The following ZNF624 variants were observed in gnomAD, a reference collection of about 807,000 sequenced individuals.
The protein encoded by ZNF624 is zinc finger protein 624.
In ZNF624, 43 loss-of-function variants were observed where a neutral mutation model predicts 74.7. The ratio of observed to expected loss-of-function variants is 0.58; its 90% CI spans 0.45 to 0.74. The LOEUF (loss-of-function observed/expected upper bound fraction) is 0.74. Ranked by LOEUF, ZNF624 falls within the 30% of genes least tolerant of loss-of-function variation. The pLI is 0.00. For synonymous variants in ZNF624, 331 were observed against 341.3 expected, an observed-to-expected ratio of 0.97 and a Z score of 0.33; for missense variants, 820 against 1,030.0, an observed-to-expected ratio of 0.80 and a Z score of 2.79.
In ZNF624 at chr17:16,621,218, TA is replaced by T. The variant is rs1382433803; in HGVS notation, c.*1069del. On this transcript the variant is annotated 3_prime_UTR_variant, in exon 6 of 6. Coordinates refer to ENST00000311331, the MANE Select transcript of ZNF624 (RefSeq NM_020787.4). ...ACATTGAAATCAGCTAGCATAGATA[TA>T]AGTCGTTTTTAAAATTACTCTCACA... The T allele has an allele frequency of 6.6e-6, 1 of 152,252 alleles. No homozygotes were observed. Among genetic ancestry groups the T allele is most frequent in the Non-Finnish European group, 1.5e-5 (1 of 68,046 alleles). 9.4% of individuals were successfully genotyped at this position (152,252 alleles called of 1,614,324 possible). A position where few individuals can be genotyped will look rare whatever the true frequency, so the allele number is the denominator to read the frequency against.
At chr17:16,629,853 C>T (rs558735399) in intron 5 of ZNF624, among the ~76,000 whole-genome samples, 2 of 152,094 alleles carry the variant, frequency 1.3e-5, no homozygotes, top group Non-Finnish European at 2.9e-5. Context: ...TGAGTCACCA[C>T]GCCTGGCCAA....
intron 5 of ZNF624, among the ~76,000 whole-genome samples, chr17:16,626,759 TAA>T (rs751090267): frequency 6.6e-6 from 1 of 151,200 alleles, no homozygotes; most frequent in Non-Finnish European, 1.5e-5. Flanking sequence ...CTCAAATAAA[TAA>T]ATAAATAAAT....
At chr17:16,634,862 A>C in intron 3 of ZNF624, 106 bp from the exon 4 acceptor site, 1 of 1,037,382 alleles carries the variant, frequency 9.6e-7, no homozygotes, top group East Asian at 2.5e-5. Flanking sequence ...GAATCACCAA[A>C]TGATCATGTA....
In ZNF624 at chr17:16,621,428, G is replaced by C. The variant is rs1908909651; in HGVS notation, c.*860C>G. On this transcript the variant is annotated 3_prime_UTR_variant, in exon 6 of 6. Transcript: ENST00000311331. ...ACGGACAGATTCCAAAAGTGAGACT[G>C]CTGGGTCTAAGAGTATATATGTTTT... 1 of 152,240 alleles carries C rather than the reference G, an allele frequency of 6.6e-6. No homozygotes were observed. The highest frequency in any genetic ancestry group is 2.4e-5 in the African/African-American group (1 of 41,456). 9.4% of individuals were successfully genotyped at this position (152,240 alleles called of 1,614,324 possible).
intron 1 of ZNF624, among the ~76,000 whole-genome samples, chr17:16,650,172 T>G (rs377515186): frequency 1.3e-5 from 2 of 152,184 alleles, no homozygotes; most frequent in Admixed American, 1.3e-4. Context: ...ACTTCAGTCT[T>G]TCTTTGCCAC....
chr17:16,642,682 A>G (rs1270509537), intron 3 of ZNF624, among the ~76,000 whole-genome samples: 2 of 152,214 alleles, frequency 1.3e-5, no homozygotes, highest in Non-Finnish European at 2.9e-5. Flanking sequence ...CTTCATTAAA[A>G]TTAAAAACTT....
intron 5 of ZNF624, among the ~76,000 whole-genome samples, chr17:16,625,924 C>T (rs1909060109): frequency 6.6e-6 from 1 of 151,568 alleles, no homozygotes; most frequent in Non-Finnish European, 1.5e-5. Context: ...AAACTCTTGT[C>T]CATGATAGAA....
At chr17:16,627,939 G>A (rs1215454325) in intron 5 of ZNF624, among the ~76,000 whole-genome samples, 1 of 152,074 alleles carries the variant, frequency 6.6e-6, no homozygotes, top group African/African-American at 2.4e-5. Context: ...GTCAATGCCT[G>A]ATACCCAGTA....
At position 16,624,219 on chromosome 17, in the gene ZNF624, T is replaced by G; in HGVS notation, c.667A>C (p.Arg223=). 1 of 1,614,208 alleles carries G rather than the reference T, an allele frequency of 6.2e-7. No individual in the cohort carries two copies. The highest frequency in any genetic ancestry group is 8.5e-7 in the Non-Finnish European group (1 of 1,180,032). The change falls in exon 6 of 6, where the codon AGA becomes CGA. Residue 223 remains arginine, a synonymous_variant. Transcript: ENST00000311331. ...AAATTTTCCTCTTGTGTTTGGCATC[T>G]GCTGTGAAGCTCTTCTGTGGCAATG... ...PGIATEELHS[R]CQTQEENFTE... is the part of the protein sequence containing the mutation.
chr17:16,652,674 T>C (rs1458072145), intron 1 of ZNF624, among the ~76,000 whole-genome samples: 1 of 152,250 alleles, frequency 6.6e-6, no homozygotes, highest in Non-Finnish European at 1.5e-5. Flanking sequence ...CCCAAAACTC[T>C]ACTGAGACCT....
intron 3 of ZNF624, among the ~76,000 whole-genome samples, chr17:16,643,296 T>G (rs1209211430): frequency 6.6e-6 from 1 of 152,192 alleles, no homozygotes; most frequent in Non-Finnish European, 1.5e-5. Flanking sequence ...GACAAACGGA[T>G]AAGTGATATG....
intron 3 of ZNF624, among the ~76,000 whole-genome samples, chr17:16,643,094 C>A (rs1207789697): frequency 1.3e-5 from 2 of 152,220 alleles, no homozygotes; most frequent in Non-Finnish European, 2.9e-5. Context: ...TATGGGGCAG[C>A]TGCTTTGTAA....
chr17:16,619,751 T>C (rs893115731), downstream of ZNF624, among the ~76,000 whole-genome samples: 2 of 152,216 alleles, frequency 1.3e-5, no homozygotes, highest in Admixed American at 6.5e-5. Flanking sequence ...TCAGTTCTTT[T>C]GTCATTTGAA....
At chr17:16,650,104 T>C (rs28674185) in intron 1 of ZNF624, among the ~76,000 whole-genome samples, 35,032 of 151,848 alleles carry the variant, frequency 0.23, 4,490 homozygotes, top group East Asian at 0.35. Flanking sequence ...TCAATCTAAT[T>C]CCAAAGCCCA....
At chr17:16,648,313 A>T (rs1294322618) in intron 2 of ZNF624, among the ~76,000 whole-genome samples, 2 of 151,576 alleles carry the variant, frequency 1.3e-5, no homozygotes, top group Non-Finnish European at 2.9e-5. Context: ...TCCATTTCAG[A>T]TGCTGTGCCA....
downstream of ZNF624, among the ~76,000 whole-genome samples, chr17:16,619,153 T>A (rs1908850930): frequency 6.6e-6 from 1 of 152,154 alleles, no homozygotes; most frequent in South Asian, 2.1e-4. Context: ...GCCTTTTCAA[T>A]AAATGATGTT....
At chr17:16,616,596 C>A (rs1220657377), downstream of ZNF624, among the ~76,000 whole-genome samples, 1 of 152,160 alleles carries the variant, frequency 6.6e-6, no homozygotes, top group East Asian at 1.9e-4. Context: ...TTAATCTTTA[C>A]AAAAGTTATG....
chr17:16,624,857 A>C (rs1909029962), intron 5 of ZNF624: 2 of 96,438 alleles, frequency 2.1e-5, no homozygotes, highest in African/African-American at 4.7e-5. Context: ...TCTCTACAAA[A>C]AAAAAAAAAA....
chr17:16,652,618 G>C (rs1232454246), intron 1 of ZNF624, among the ~76,000 whole-genome samples: 1 of 152,070 alleles, frequency 6.6e-6, no homozygotes, highest in Non-Finnish European at 1.5e-5. Context: ...TATTCAGCTT[G>C]ATCTCAATTG....
Sources: gnomAD v4.1 joint callset for allele counts (sites outside exome capture counted in the v4.1 genomes callset) on GRCh38, gnomAD v4.1.1 for gene constraint, MANE v1.5 for transcripts, NCBI Gene and HGNC (gene_info 2026-07-23, HGNC 2026-07-21) for gene names.